Variants in CREB5 observed in about 807,000 individuals in gnomAD.
The protein encoded by CREB5 is cyclic AMP-responsive element-binding protein 5.
In CREB5, 19 loss-of-function variants were observed where a neutral mutation model predicts 57.1. The observed-to-expected ratio is 0.33, with a 90% CI of 0.23 to 0.49. CREB5 has a LOEUF of 0.49. Among genes scored for constraint, CREB5 ranks in the 20% least tolerant of loss-of-function variants. CREB5 has a pLI of 0.99. For missense variants in CREB5, 579 were observed against 671.6 expected, an observed-to-expected ratio of 0.86 and a Z score of 1.52; for synonymous variants, 238 against 238.3, an observed-to-expected ratio of 1.00 and a Z score of 0.01.
At chr7:28,637,777 T>G (rs145091308) in intron 5 of CREB5, among the ~76,000 whole-genome samples, 2 of 152,326 alleles carry the variant, frequency 1.3e-5, no homozygotes, top group African/African-American at 2.4e-5. Context: ...GTCAACCAAT[T>G]AAGAACTTAT....
chr7:28,802,959 T>C (rs1808457413), intron 7 of CREB5, among the ~76,000 whole-genome samples: 1 of 152,260 alleles, frequency 6.6e-6, no homozygotes, highest in Non-Finnish European at 1.5e-5. Flanking sequence ...GATTCATTCA[T>C]TTATACATTG....
intron 4 of CREB5, among the ~76,000 whole-genome samples, chr7:28,540,963 C>A (rs1319756135): frequency 1.3e-5 from 2 of 152,184 alleles, no homozygotes; most frequent in Non-Finnish European, 2.9e-5. Context: ...GATACCCACG[C>A]CACCTTGAAT....
At chr7:28,741,540 A>C (rs1409792945) in intron 7 of CREB5, among the ~76,000 whole-genome samples, 1 of 152,154 alleles carries the variant, frequency 6.6e-6, no homozygotes, top group Non-Finnish European at 1.5e-5. Context: ...ATCAGCCGAG[A>C]TGTGTTTCTT....
intron 1 of CREB5, among the ~76,000 whole-genome samples, chr7:28,335,648 C>T (rs949969256): frequency 1.3e-5 from 2 of 151,926 alleles, no homozygotes; most frequent in Non-Finnish European, 2.9e-5. Flanking sequence ...TATTTGCAAA[C>T]AGGGATAATT....
At chr7:28,410,537 G>A (rs1026190830), upstream of CREB5, 6 of 456,556 alleles carry the variant, frequency 1.3e-5, no homozygotes, top group Non-Finnish European at 2.2e-5. Flanking sequence ...TTTAAGGGGC[G>A]TCTGGTAGAT....
chr7:28,418,827 A>G (rs543110587), intron 1 of CREB5, among the ~76,000 whole-genome samples: 67 of 152,298 alleles, frequency 4.4e-4, no homozygotes, highest in African/African-American at 1.6e-3. Context: ...TATTAGTGCC[A>G]TGTATTCCAG....
intron 1 of CREB5, among the ~76,000 whole-genome samples, chr7:28,343,071 G>A (rs916991038): frequency 6.6e-6 from 1 of 152,046 alleles, no homozygotes; most frequent in Non-Finnish European, 1.5e-5. Flanking sequence ...CTCCCGAGTA[G>A]CTGGGACTAC....
chr7:28,547,402 T>C (rs1459867511), intron 4 of CREB5, among the ~76,000 whole-genome samples: 1 of 152,184 alleles, frequency 6.6e-6, no homozygotes, highest in East Asian at 1.9e-4. Context: ...AAAATATGAA[T>C]AGAAATCCAA....
chr7:28,476,110 T>C (rs560402003), intron 1 of CREB5, among the ~76,000 whole-genome samples: 48 of 152,342 alleles, frequency 3.2e-4, no homozygotes, highest in African/African-American at 1.0e-3. Context: ...TTGGCTGGTA[T>C]GTGGCAGAGC....
rs1349559913 is a variant in CREB5 at position 28,507,468 on chromosome 7, C to T, written c.170-148C>T. ...TTTACGGTTTTATTTTCTTGCATAT[C>T]GTTATGTTATTTAAAGGGCCAAGAG... On this transcript the variant is annotated intron_variant, in intron 3 of 10. Transcript: ENST00000357727. 5 of 911,384 alleles carry T rather than the reference C, an allele frequency of 5.5e-6. No homozygotes were observed. The East Asian group carries it at 7.8e-5, about 14-fold the overall frequency. 56.5% of individuals were successfully genotyped at this position (911,384 alleles called of 1,614,324 possible).
intron 9 of CREB5, among the ~76,000 whole-genome samples, chr7:28,812,840 A>G (rs1809205111): frequency 6.6e-6 from 1 of 152,222 alleles, no homozygotes; most frequent in Non-Finnish European, 1.5e-5. Context: ...TTAAGTAAAC[A>G]GAAATGGAAG....
intron 4 of CREB5, among the ~76,000 whole-genome samples, chr7:28,526,648 T>A (rs1341221194): frequency 6.6e-6 from 1 of 151,856 alleles, no homozygotes; most frequent in Non-Finnish European, 1.5e-5. Context: ...CAAAGCAGAG[T>A]CCATGGTTTA....
intron 1 of CREB5, among the ~76,000 whole-genome samples, chr7:28,455,114 C>A (rs1354251833): frequency 6.6e-6 from 1 of 152,212 alleles, no homozygotes; most frequent in African/African-American, 2.4e-5. Flanking sequence ...GGCAAAGCCA[C>A]ATGTGAAACC....
At chr7:28,790,484 A>C (rs1284846106) in intron 7 of CREB5, among the ~76,000 whole-genome samples, 3 of 150,386 alleles carry the variant, frequency 2.0e-5, no homozygotes, top group African/African-American at 7.3e-5. Context: ...GAAAGAAAGA[A>C]AGAAAGAGAA....
intron 5 of CREB5, among the ~76,000 whole-genome samples, chr7:28,685,546 C>G (rs1430631758): frequency 6.6e-6 from 1 of 152,176 alleles, no homozygotes; most frequent in East Asian, 1.9e-4. Flanking sequence ...AAAGCCCAAG[C>G]TGCTAACTGA....
intron 7 of CREB5, among the ~76,000 whole-genome samples, chr7:28,769,777 A>G (rs950684192): frequency 6.6e-6 from 1 of 152,222 alleles, no homozygotes; most frequent in Non-Finnish European, 1.5e-5. Context: ...CAATAGGACA[A>G]TCCAGGAAGC....
At chr7:28,570,615 T>C in intron 5 of CREB5, 78 bp downstream of exon 5, 1 of 1,511,918 alleles carries the variant, frequency 6.6e-7, no homozygotes, top group Non-Finnish European at 9.0e-7. Context: ...TGGTTTCTGG[T>C]GCTCAGATTG....
At chr7:28,309,980 C>T (rs59756513) in intron 1 of CREB5, among the ~76,000 whole-genome samples, 3,144 of 152,134 alleles carry the variant, frequency 0.021, 108 homozygotes, top group African/African-American at 0.072. Context: ...CAGAGAAGGG[C>T]GGGAACACTT....
At chr7:28,622,012 C>T (rs1012387018) in intron 5 of CREB5, among the ~76,000 whole-genome samples, 2 of 152,112 alleles carry the variant, frequency 1.3e-5, no homozygotes, top group African/African-American at 4.8e-5. Context: ...GTGGATTCTA[C>T]TTGTACAAGG....
Sources: allele counts gnomAD v4.1 joint callset (sites outside exome capture counted in the v4.1 genomes callset), GRCh38; gene constraint gnomAD v4.1.1; transcripts MANE v1.5; gene names NCBI Gene and HGNC (gene_info 2026-07-23, HGNC 2026-07-21).